TEX9: variants seen among roughly 807,000 people sequenced by gnomAD.
The protein encoded by TEX9 is testis-expressed protein 9.
A neutral mutation model predicts 59.6 loss-of-function variants in TEX9; 74 were observed. That is an observed-to-expected ratio of 1.24 (90% CI 1.03 to 1.51). The LOEUF (loss-of-function observed/expected upper bound fraction) is 1.51. Ranked by LOEUF, TEX9 falls within the 40% of genes most tolerant of loss-of-function variation. The pLI is 0.00. For missense variants in TEX9, 522 were observed against 447.8 expected (o/e 1.17, Z -1.49); for synonymous variants, 186 against 152.2 (o/e 1.22, Z -1.64).
At position 56,270,491 on chromosome 15, in the gene TEX9, G is replaced by A. The variant is rs527430755; in HGVS notation, c.-107+26213G>A. 3.9e-5 allele frequency among the ~76,000 whole-genome samples: 6 copies of A among 152,106 alleles called. No individual in the cohort carries two copies. In the East Asian group the frequency reaches 5.8e-4, roughly 15 times the overall value. ...AACCCCTGCTTTTTTCTTGCTTTGC[G>A]TTTGCTTGATAGATCTTCCTCCATC... is the stretch of plus-strand genomic sequence containing the variant. On this transcript the variant is annotated intron_variant, in intron 1 of 5. Coordinates refer to the TEX9 transcript ENST00000560827.
At chr15:56,447,057 A>G, downstream of TEX9, 1 of 678,098 alleles carries the variant, frequency 1.5e-6, no homozygotes, top group South Asian at 1.9e-5. Context: ...TACAGCGGGT[A>G]TTATTTTAGA....
intron 1 of TEX9, among the ~76,000 whole-genome samples, chr15:56,249,283 G>A (rs1001016393): frequency 6.6e-6 from 1 of 152,064 alleles, no homozygotes; most frequent in African/African-American, 2.4e-5. Flanking sequence ...CAACTCCAGG[G>A]GGCACCATTC....
At chr15:56,318,882 ATAAT>A (rs1229222933) in intron 1 of TEX9, among the ~76,000 whole-genome samples, 1 of 152,142 alleles carries the variant, frequency 6.6e-6, no homozygotes, top group Non-Finnish European at 1.5e-5. Flanking sequence ...ATGCAGTTTT[ATAAT>A]TAATAATTTA....
chr15:56,408,369 AT>A (rs1326702358), intron 9 of TEX9: 2 of 152,170 alleles, frequency 1.3e-5, no homozygotes, highest in Admixed American at 1.3e-4. Context: ...AACACTATTA[AT>A]TTGGCTTCTG....
At chr15:56,327,317 G>A (rs997152928) in intron 1 of TEX9, among the ~76,000 whole-genome samples, 1 of 152,102 alleles carries the variant, frequency 6.6e-6, no homozygotes, top group Non-Finnish European at 1.5e-5. Flanking sequence ...ATGAAAAAAT[G>A]CTTTATTTCA....
At chr15:56,265,532 C>T (rs1471609566) in intron 1 of TEX9, among the ~76,000 whole-genome samples, 2 of 152,122 alleles carry the variant, frequency 1.3e-5, no homozygotes, top group African/African-American at 2.4e-5. Flanking sequence ...GCTTTATCTG[C>T]ATCCCAATAA....
chr15:56,412,006 AG>A (rs1183786213), intron 9 of TEX9, among the ~76,000 whole-genome samples: 3 of 152,184 alleles, frequency 2.0e-5, no homozygotes, highest in Non-Finnish European at 4.4e-5. Flanking sequence ...AATAGAGGAC[AG>A]GTATACTGTG....
intron 3 of TEX9, chr15:56,374,629 G>C (rs2047343618): frequency 6.6e-6 from 1 of 152,042 alleles, no homozygotes; most frequent in African/African-American, 2.4e-5. Context: ...TCAAATACTA[G>C]GTACTATTCA....
In TEX9 at chr15:56,251,637, A is replaced by T. The variant is rs978331023; in HGVS notation, c.-107+7359A>T. The stretch of plus-strand genomic sequence containing the variant: ...CAGAAACCATTAGACAACAACCAGA[A>T]GAGGCAATGATTAAGCAGAAACTGT... On this transcript the variant is annotated intron_variant, in intron 1 of 5. Coordinates refer to the TEX9 transcript ENST00000560827. Among the ~76,000 whole-genome samples, 36 of 152,174 alleles carry T rather than the reference A, an allele frequency of 2.4e-4. 1 individual carries two copies. Among genetic ancestry groups the T allele is most frequent in the African/African-American group, 8.7e-4 (36 of 41,446 alleles).
intron 10 of TEX9, among the ~76,000 whole-genome samples, chr15:56,424,742 AAATT>A (rs1357114689): frequency 1.3e-5 from 2 of 152,204 alleles, no homozygotes; most frequent in African/African-American, 4.8e-5. Context: ...TTTGTCTTTT[AAATT>A]CGAAAAGAAT....
At chr15:56,292,719 T>C (rs1212731907) in intron 1 of TEX9, among the ~76,000 whole-genome samples, 1 of 152,136 alleles carries the variant, frequency 6.6e-6, no homozygotes, top group Non-Finnish European at 1.5e-5. Flanking sequence ...CTGCCTTACC[T>C]AGAAATGCCT....
chr15:56,448,627 A>G (rs72742667), downstream of TEX9, among the ~76,000 whole-genome samples: 10,555 of 152,092 alleles, frequency 0.069, 458 homozygotes, highest in Non-Finnish European at 0.1. Context: ...TCTTTACCCA[A>G]TTTCCCACTG....
At chr15:56,344,171 T>C (rs557839559) in intron 1 of TEX9, among the ~76,000 whole-genome samples, 82 of 152,284 alleles carry the variant, frequency 5.4e-4, no homozygotes, top group Admixed American at 4.6e-4. Flanking sequence ...CCTAGGTATA[T>C]ATCCAAGAGA....
At chr15:56,416,279 C>A (rs1188513669) in intron 10 of TEX9, among the ~76,000 whole-genome samples, 1 of 151,856 alleles carries the variant, frequency 6.6e-6, no homozygotes, top group Non-Finnish European at 1.5e-5. Context: ...AGAGGGCATC[C>A]TTGTCATGTG....
At chr15:56,321,250 A>G (rs2045894973) in intron 1 of TEX9, among the ~76,000 whole-genome samples, 1 of 152,154 alleles carries the variant, frequency 6.6e-6, no homozygotes, top group Non-Finnish European at 1.5e-5. Flanking sequence ...CCCTTGTCCC[A>G]GGGCATACTC....
intron 1 of TEX9, among the ~76,000 whole-genome samples, chr15:56,266,101 T>C (rs754415820): frequency 2.6e-5 from 4 of 152,114 alleles, no homozygotes; most frequent in Non-Finnish European, 4.4e-5. Context: ...ATATTCTTGG[T>C]GAATTGGTTG....
chr15:56,456,657 G>T, the TEX9 span: 4 of 902,378 alleles, frequency 4.4e-6, 1 homozygote, highest in South Asian at 3.5e-5. Context: ...AATACAAAAT[G>T]TTGTTTCAAT....
chr15:56,427,675 AAGG>A (rs766756451), exon 11 of TEX9: 9 of 1,542,936 alleles, frequency 5.8e-6, no homozygotes, highest in African/African-American at 5.6e-5. Flanking sequence ...GAAAAACAAA[AAGG>A]AGAATTAATG....
exon 11 of TEX9, chr15:56,427,627 A>C: frequency 6.5e-7 from 1 of 1,542,354 alleles, no homozygotes; most frequent in Non-Finnish European, 8.7e-7. Flanking sequence ...GAAGAACACA[A>C]AAAAATTGAA....
Sources: allele counts gnomAD v4.1 joint callset (sites outside exome capture counted in the v4.1 genomes callset), GRCh38; gene constraint gnomAD v4.1.1; transcripts MANE v1.5; gene names NCBI Gene and HGNC (gene_info 2026-07-23, HGNC 2026-07-21).